The following C8orf34 variants were observed in gnomAD, a reference collection of about 807,000 sequenced individuals.
C8orf34 encodes the protein uncharacterized protein C8orf34.
A neutral mutation model predicts 68.3 loss-of-function variants in C8orf34; 65 were observed. The ratio of observed to expected loss-of-function variants is 0.95; its 90% CI spans 0.78 to 1.17. The LOEUF is 1.17. C8orf34 is among the 50% of genes most tolerant of loss of function. The pLI is 0.00. For missense variants in C8orf34, 664 were observed against 655.4 expected (o/e 1.01, Z -0.14); for synonymous variants, 244 against 241.2 (o/e 1.01, Z -0.11).
At chr8:68,484,315 C>G (rs1204353866) in intron 4 of C8orf34, among the ~76,000 whole-genome samples, 1 of 152,186 alleles carries the variant, frequency 6.6e-6, no homozygotes, top group Non-Finnish European at 1.5e-5. Flanking sequence ...CTCCCACCAG[C>G]CCTCACCTCT....
intron 7 of C8orf34, among the ~76,000 whole-genome samples, chr8:68,638,342 C>A (rs1818908490): frequency 6.8e-6 from 1 of 147,810 alleles, no homozygotes. Flanking sequence ...GAATTAGGGG[C>A]TAAATATTGA....
chr8:68,443,097 G>A (rs1324322757), intron 2 of C8orf34, among the ~76,000 whole-genome samples: 5 of 152,116 alleles, frequency 3.3e-5, no homozygotes, highest in African/African-American at 7.2e-5. Context: ...CATGGGACAT[G>A]GGGCAAGAGC....
At chr8:68,795,493 C>T (rs1192837285) in intron 12 of C8orf34, among the ~76,000 whole-genome samples, 2 of 152,094 alleles carry the variant, frequency 1.3e-5, no homozygotes, top group Non-Finnish European at 2.9e-5. Context: ...GTTTGTTTTG[C>T]TGTTGCTGCT....
At chr8:68,378,195 A>T (rs534364248) in intron 1 of C8orf34, among the ~76,000 whole-genome samples, 154 of 152,332 alleles carry the variant, frequency 1.0e-3, no homozygotes, top group African/African-American at 3.4e-3. Flanking sequence ...GTATATTGAA[A>T]ACCCCATTTT....
At chr8:68,813,798 G>A (rs997385064) in intron 12 of C8orf34, among the ~76,000 whole-genome samples, 13 of 152,094 alleles carry the variant, frequency 8.5e-5, no homozygotes, top group African/African-American at 2.2e-4. Context: ...TGCTTCCATC[G>A]GGCTCACTGT....
chr8:68,636,771 A>G (rs1217185562), intron 7 of C8orf34, among the ~76,000 whole-genome samples: 1 of 152,150 alleles, frequency 6.6e-6, no homozygotes, highest in Non-Finnish European at 1.5e-5. Flanking sequence ...TTGTTGCATC[A>G]TCATTGCAAT....
At chr8:68,636,711 G>T (rs574294890) in intron 7 of C8orf34, among the ~76,000 whole-genome samples, 32 of 152,232 alleles carry the variant, frequency 2.1e-4, no homozygotes, top group African/African-American at 7.7e-4. Flanking sequence ...CTTGATGATT[G>T]TTCTGTTGTA....
chr8:68,440,996 G>A (rs1449683998), intron 2 of C8orf34, among the ~76,000 whole-genome samples: 1 of 152,042 alleles, frequency 6.6e-6, no homozygotes, highest in Non-Finnish European at 1.5e-5. Context: ...AGTAGAGACG[G>A]GGTTTCACTG....
chr8:68,379,162 G>A (rs984091725), intron 1 of C8orf34, among the ~76,000 whole-genome samples: 1 of 152,134 alleles, frequency 6.6e-6, no homozygotes, highest in African/African-American at 2.4e-5. Context: ...AATTGGACAT[G>A]GCATTTATTT....
intron 9 of C8orf34, among the ~76,000 whole-genome samples, chr8:68,716,162 G>C (rs893519706): frequency 6.6e-6 from 1 of 151,946 alleles, no homozygotes; most frequent in Non-Finnish European, 1.5e-5. Flanking sequence ...TGCGGACTTG[G>C]GGGAAAGGGT....
At chr8:68,375,900 G>A (rs1340815030) in intron 1 of C8orf34, among the ~76,000 whole-genome samples, 1 of 152,134 alleles carries the variant, frequency 6.6e-6, no homozygotes, top group East Asian at 1.9e-4. Context: ...ACTCAGGCAT[G>A]TATATAGGTT....
At chr8:68,793,180 GA>G (rs1379442985) in intron 12 of C8orf34, among the ~76,000 whole-genome samples, 1 of 152,008 alleles carries the variant, frequency 6.6e-6, no homozygotes, top group Non-Finnish European at 1.5e-5. Flanking sequence ...ATATCACAAA[GA>G]AAGAAAATCT....
intron 5 of C8orf34, among the ~76,000 whole-genome samples, chr8:68,492,696 T>C (rs113085469): frequency 9.3e-4 from 141 of 152,214 alleles, no homozygotes; most frequent in African/African-American, 3.2e-3. Context: ...ATTTTCACAT[T>C]TTTGTTCATG....
chr8:68,555,969 G>A (rs1816237604), intron 7 of C8orf34, among the ~76,000 whole-genome samples: 2 of 152,212 alleles, frequency 1.3e-5, no homozygotes, highest in South Asian at 4.1e-4. Context: ...GTTCACACCT[G>A]AGAGTGTCTA....
intron 7 of C8orf34, among the ~76,000 whole-genome samples, chr8:68,627,276 C>T (rs1818564450): frequency 6.6e-6 from 1 of 152,116 alleles, no homozygotes; most frequent in South Asian, 2.1e-4. Flanking sequence ...TGCTGGTCTC[C>T]TTTCCATGGC....
chr8:68,465,719 C>T (rs1812090490), intron 3 of C8orf34, among the ~76,000 whole-genome samples: 1 of 150,474 alleles, frequency 6.6e-6, no homozygotes, highest in Admixed American at 6.6e-5. Flanking sequence ...CCAAACACCG[C>T]ATGTTCTCAC....
chr8:68,753,521 T>C (rs1349237967), intron 10 of C8orf34, among the ~76,000 whole-genome samples: 1 of 152,222 alleles, frequency 6.6e-6, no homozygotes, highest in East Asian at 1.9e-4. Flanking sequence ...AAGAGTTAGA[T>C]AAGATTTCAA....
intron 12 of C8orf34, among the ~76,000 whole-genome samples, chr8:68,796,150 C>T (rs751159818): frequency 3.3e-5 from 5 of 152,160 alleles, no homozygotes; most frequent in Admixed American, 6.5e-5. Flanking sequence ...TATTGACATA[C>T]GGCAAGTTAA....
chr8:68,463,067 G>A (rs1157387169), intron 3 of C8orf34, among the ~76,000 whole-genome samples: 1 of 152,008 alleles, frequency 6.6e-6, no homozygotes, highest in Non-Finnish European at 1.5e-5. Context: ...GAAAAAAAGA[G>A]AGAAGAATCA....
Sources: allele counts gnomAD v4.1 joint callset (sites outside exome capture counted in the v4.1 genomes callset), GRCh38; gene constraint gnomAD v4.1.1; transcripts MANE v1.5; gene names NCBI Gene and HGNC (gene_info 2026-07-23, HGNC 2026-07-21).